LMO1: variants seen among roughly 807,000 people sequenced by gnomAD.
The protein encoded by LMO1 is LIM domain only 1.
LMO1 carries 10 observed loss-of-function variants against 18.0 expected under a neutral mutation model. The ratio of observed to expected loss-of-function variants is 0.55; its 90% CI spans 0.34 to 0.94. The LOEUF (loss-of-function observed/expected upper bound fraction) is 0.94, where lower values mean the gene tolerates loss of function less well. LMO1 is among the 40% of genes least tolerant of loss of function. The pLI is 0.02. For missense variants in LMO1, 183 were observed against 205.7 expected, an observed-to-expected ratio of 0.89 and a Z score of 0.68; for synonymous variants, 77 against 77.9, an observed-to-expected ratio of 0.99 and a Z score of 0.06.
intron 1 of LMO1, among the ~76,000 whole-genome samples, chr11:8,257,498 CG>C (rs1243785536): frequency 6.6e-6 from 1 of 152,212 alleles, no homozygotes; most frequent in Non-Finnish European, 1.5e-5. Context: ...GCACGTGGTC[CG>C]TGGTCCCAGT....
chr11:8,235,081 G>A (rs1952738521), intron 1 of LMO1, among the ~76,000 whole-genome samples: 1 of 152,186 alleles, frequency 6.6e-6, no homozygotes, highest in Admixed American at 6.5e-5. Flanking sequence ...CTGCACATGA[G>A]GCCATAGCAC....
At chr11:8,246,234 G>A (rs1310997777) in intron 1 of LMO1, among the ~76,000 whole-genome samples, 3 of 152,054 alleles carry the variant, frequency 2.0e-5, no homozygotes, top group African/African-American at 7.2e-5. Flanking sequence ...ACAAAAATTT[G>A]TACATGAACG....
At chr11:8,237,033 T>A (rs1952772072) in intron 1 of LMO1, among the ~76,000 whole-genome samples, 2 of 152,154 alleles carry the variant, frequency 1.3e-5, no homozygotes, top group Admixed American at 1.3e-4. Flanking sequence ...GTAAGAGGCC[T>A]GAAGATGGAA....
chr11:8,251,671 G>T (rs1331755154), intron 1 of LMO1, among the ~76,000 whole-genome samples: 1 of 152,110 alleles, frequency 6.6e-6, no homozygotes. Flanking sequence ...GTGTGTGTTT[G>T]TGTGTGAGAG....
rs559078662 is a variant in LMO1 at position 8,242,747 on chromosome 11, C to T, written c.26-12243G>A. ...TGAAACAGGGCTCCCAAGAGGCCTG[C>T]AGTCTCCACAGAGGAGGAGGACATG... is the stretch of plus-strand genomic sequence containing the variant. On this transcript the variant is annotated intron_variant, in intron 1 of 3. Coordinates refer to ENST00000335790, the MANE Select transcript of LMO1 (RefSeq NM_002315.3). Among the ~76,000 whole-genome samples, 3 of 152,334 alleles carry T rather than the reference C, an allele frequency of 2.0e-5. No homozygotes were observed. In the East Asian group the frequency reaches 5.8e-4, roughly 29 times the overall value.
chr11:8,256,529 G>A (rs117125552), intron 1 of LMO1, among the ~76,000 whole-genome samples: 2,672 of 152,316 alleles, frequency 0.018, 36 homozygotes, highest in Non-Finnish European at 0.024. Flanking sequence ...CTGCCTCTGC[G>A]ACCTGGACCA....
intron 1 of LMO1, among the ~76,000 whole-genome samples, chr11:8,263,104 G>A (rs1198747303): frequency 3.3e-5 from 5 of 151,512 alleles, no homozygotes; most frequent in Non-Finnish European, 7.4e-5. Flanking sequence ...GACCCGGGGG[G>A]CGTGCGGCCC....
rs1000232443 is a variant in LMO1 at position 8,236,942 on chromosome 11, C to T, written c.26-6438G>A. 6.6e-5 allele frequency among the ~76,000 whole-genome samples: 10 copies of T among 152,300 alleles called. No homozygotes were observed. In the Middle Eastern group the frequency reaches 0.014, roughly 207 times the overall value. ...ACATATGCACAAGCAGCCGCACGCA[C>T]GTTTAGTCTCTTAAAAGACTACAGT... On this transcript the variant is annotated intron_variant, in intron 1 of 3. Coordinates refer to ENST00000335790, the MANE Select transcript of LMO1 (RefSeq NM_002315.3).
intron 1 of LMO1, among the ~76,000 whole-genome samples, chr11:8,259,358 T>G (rs1251155819): frequency 1.3e-5 from 2 of 152,160 alleles, no homozygotes; most frequent in Admixed American, 1.3e-4. Flanking sequence ...TTACAGACAC[T>G]CTGCCTGGCT....
intron 1 of LMO1, among the ~76,000 whole-genome samples, chr11:8,237,619 CA>C (rs1952782417): frequency 6.6e-6 from 1 of 152,258 alleles, no homozygotes; most frequent in Admixed American, 6.5e-5. Flanking sequence ...CACCCTCTTG[CA>C]GGCAGCGTGT....
chr11:8,267,698 C>G (rs562780002), upstream of LMO1, among the ~76,000 whole-genome samples: 3 of 152,344 alleles, frequency 2.0e-5, no homozygotes, highest in South Asian at 6.2e-4. Flanking sequence ...GACCTGGCAG[C>G]TGAAGGAACC....
intron 1 of LMO1, among the ~76,000 whole-genome samples, chr11:8,259,112 G>A (rs1181003462): frequency 6.7e-6 from 1 of 148,920 alleles, no homozygotes; most frequent in Non-Finnish European, 1.5e-5. Flanking sequence ...GAATCATATG[G>A]GAAACTTTTA....
At chr11:8,256,767 A>G (rs1044905150) in intron 1 of LMO1, among the ~76,000 whole-genome samples, 1 of 152,242 alleles carries the variant, frequency 6.6e-6, no homozygotes, top group Admixed American at 6.5e-5. Flanking sequence ...GGACATAGGA[A>G]CAAGGGAATA....
intron 1 of LMO1, among the ~76,000 whole-genome samples, chr11:8,251,388 G>A (rs905030327): frequency 7.9e-5 from 12 of 152,154 alleles, no homozygotes; most frequent in East Asian, 3.9e-4. Flanking sequence ...AGGAACTGCC[G>A]ACACTACCTT....
intron 1 of LMO1, among the ~76,000 whole-genome samples, chr11:8,242,743 C>T (rs540331029): frequency 2.0e-5 from 3 of 152,316 alleles, no homozygotes; most frequent in African/African-American, 7.2e-5. Flanking sequence ...TCCCAAGAGG[C>T]CTGCAGTCTC....
intron 2 of LMO1, among the ~76,000 whole-genome samples, chr11:8,228,919 G>T (rs572309726): frequency 2.6e-5 from 4 of 152,230 alleles, no homozygotes; most frequent in African/African-American, 9.6e-5. Context: ...ACAGGGTCTT[G>T]CTCTGGCACC....
chr11:8,231,343 C>A (rs530626449), intron 1 of LMO1, among the ~76,000 whole-genome samples: 1 of 152,252 alleles, frequency 6.6e-6, no homozygotes, highest in Non-Finnish European at 1.5e-5. Flanking sequence ...TCGCGGCAGG[C>A]GAGCATGTGC....
At chr11:8,240,721 A>T (rs538940563) in intron 1 of LMO1, among the ~76,000 whole-genome samples, 1 of 152,012 alleles carries the variant, frequency 6.6e-6, no homozygotes, top group East Asian at 1.9e-4. Context: ...CTCATGACCT[A>T]ATCACCCCCA....
At chr11:8,232,211 T>C (rs919318532) in intron 1 of LMO1, among the ~76,000 whole-genome samples, 1 of 152,114 alleles carries the variant, frequency 6.6e-6, no homozygotes, top group African/African-American at 2.4e-5. Context: ...GTCTGTTAGC[T>C]GGTGAGTGTG....
Sources: gnomAD v4.1 joint callset for allele counts (sites outside exome capture counted in the v4.1 genomes callset) on GRCh38, gnomAD v4.1.1 for gene constraint, MANE v1.5 for transcripts, NCBI Gene and HGNC (gene_info 2026-07-23, HGNC 2026-07-21) for gene names.